Variants in AK5 observed in about 807,000 individuals in gnomAD.
The protein encoded by AK5 is adenylate kinase 5.
In AK5, 27 loss-of-function variants were observed where a neutral mutation model predicts 69.5. That is an observed-to-expected ratio of 0.39 (90% CI 0.29 to 0.54). The LOEUF (loss-of-function observed/expected upper bound fraction) is 0.54. Among genes scored for constraint, AK5 ranks in the 20% least tolerant of loss-of-function variants. The pLI is 0.71. For missense variants in AK5, 531 were observed against 700.4 expected (o/e 0.76, Z 2.73); for synonymous variants, 260 against 244.4 (o/e 1.06, Z -0.60).
chr1:77,403,569 C>A (rs1250111915), intron 6 of AK5, among the ~76,000 whole-genome samples: 4 of 152,204 alleles, frequency 2.6e-5, no homozygotes, highest in Admixed American at 6.5e-5. Flanking sequence ...TTCCCCATTG[C>A]TTGTTTTTCT....
At chr1:77,310,108 T>C (rs2799553) in intron 5 of AK5, among the ~76,000 whole-genome samples, 134,500 of 152,112 alleles carry the variant, frequency 0.88, 59,893 homozygotes, top group Middle Eastern at 0.97. Flanking sequence ...AATTCTTTTG[T>C]ATAGTGTGAG....
intron 13 of AK5, among the ~76,000 whole-genome samples, chr1:77,549,597 C>A (rs1411152918): frequency 2.0e-5 from 3 of 152,074 alleles, no homozygotes; most frequent in African/African-American, 7.2e-5. Context: ...CCACTTCCCC[C>A]TCTCCCTTCC....
chr1:77,355,900 C>G (rs1453723566), intron 6 of AK5, among the ~76,000 whole-genome samples: 1 of 144,040 alleles, frequency 6.9e-6, no homozygotes, highest in Admixed American at 6.9e-5. Context: ...CACACACACA[C>G]ACACATATAT....
chr1:77,483,552 G>A (rs78488741), intron 9 of AK5, among the ~76,000 whole-genome samples, 193 bp downstream of exon 9: 1,553 of 152,236 alleles, frequency 0.01, 34 homozygotes, highest in East Asian at 0.079. Flanking sequence ...GGGGTGCATT[G>A]CTAAGTGATG....
intron 6 of AK5, among the ~76,000 whole-genome samples, chr1:77,353,883 G>A (rs1345728229): frequency 6.6e-6 from 1 of 152,200 alleles, no homozygotes; most frequent in African/African-American, 2.4e-5. Flanking sequence ...AGGGAGGAAA[G>A]GAGATCAGTG....
chr1:77,498,005 C>T (rs950222831), intron 10 of AK5, among the ~76,000 whole-genome samples: 1 of 152,102 alleles, frequency 6.6e-6, no homozygotes, highest in Admixed American at 6.5e-5. Context: ...AGATGTGAAG[C>T]CATGTGTGTG....
chr1:77,368,282 G>A lies in AK5; in HGVS notation c.891+27714G>A, dbSNP rs1031446287. 1.7e-3 allele frequency among the ~76,000 whole-genome samples: 97 copies of A among 55,632 alleles called. 1 individual carries two copies. Among genetic ancestry groups the A allele is most frequent in the African/African-American group, 4.1e-3 (77 of 18,820 alleles). The allele number at this position is 55,632 out of a possible 152,430, so 36.5% of individuals were successfully genotyped here. ...TATATGTTATATATATGTTATATAT[G>A]TTATATATATGTTATATATAATATA... On this transcript the variant is annotated intron_variant, in intron 6 of 13. Transcript: ENST00000354567.
At chr1:77,315,350 C>T (rs1330099212) in intron 5 of AK5, among the ~76,000 whole-genome samples, 2 of 151,572 alleles carry the variant, frequency 1.3e-5, no homozygotes, top group Admixed American at 6.6e-5. Flanking sequence ...TTATTTGAGC[C>T]CTTAGTATAC....
At chr1:77,367,673 A>ACGTTATATGTT (rs1491319905) in intron 6 of AK5, among the ~76,000 whole-genome samples, 2 of 34,550 alleles carry the variant, frequency 5.8e-5, no homozygotes, top group Admixed American at 4.1e-4. Context: ...TGTTATATAT[A>ACGTTATATGTT]ATATATATGT....
intron 2 of AK5, among the ~76,000 whole-genome samples, chr1:77,293,234 C>T (rs1658790001): frequency 6.6e-6 from 1 of 152,024 alleles, no homozygotes; most frequent in Non-Finnish European, 1.5e-5. Context: ...TCCATTGGAC[C>T]ACAGTAGCAT....
intron 6 of AK5, among the ~76,000 whole-genome samples, chr1:77,367,615 A>ATATGTTATATATATGTTATATATATGT (rs1553139807): frequency 0.085 from 7,725 of 90,976 alleles, 966 homozygotes; most frequent in African/African-American, 0.14. Flanking sequence ...TATGTAATAT[A>ATATGTTATATATATGTTATATATATGT]TATGTTATAT....
At chr1:77,535,451 A>G (rs1349274207) in intron 12 of AK5, among the ~76,000 whole-genome samples, 1 of 152,170 alleles carries the variant, frequency 6.6e-6, no homozygotes, top group Non-Finnish European at 1.5e-5. Flanking sequence ...TGTGGCTGTT[A>G]TATCACGGTG....
At chr1:77,286,474 C>T (rs976370045) in intron 1 of AK5, among the ~76,000 whole-genome samples, 4 of 151,588 alleles carry the variant, frequency 2.6e-5, no homozygotes, top group African/African-American at 9.7e-5. Flanking sequence ...GTAATTTCAA[C>T]TCTAATTGTT....
chr1:77,464,031 T>C (rs1323798876), intron 8 of AK5, among the ~76,000 whole-genome samples: 1 of 152,240 alleles, frequency 6.6e-6, no homozygotes, highest in African/African-American at 2.4e-5. Flanking sequence ...CTATGAAAGA[T>C]GAAAAGTTGA....
intron 5 of AK5, among the ~76,000 whole-genome samples, chr1:77,301,838 T>A (rs1721163): frequency 0.88 from 134,761 of 152,286 alleles, 59,984 homozygotes; most frequent in Middle Eastern, 0.97. Flanking sequence ...TGAATCCTGT[T>A]AGGCAGGGAT....
At chr1:77,363,100 T>C (rs1646893087) in intron 6 of AK5, among the ~76,000 whole-genome samples, 1 of 152,144 alleles carries the variant, frequency 6.6e-6, no homozygotes, top group East Asian at 1.9e-4. Context: ...CATTGACACC[T>C]CCACTTGGAT....
At chr1:77,549,329 T>G (rs535997383) in intron 13 of AK5, among the ~76,000 whole-genome samples, 1 of 152,150 alleles carries the variant, frequency 6.6e-6, no homozygotes, top group Non-Finnish European at 1.5e-5. Flanking sequence ...TGGGTACATA[T>G]TGGGTGTATA....
chr1:77,302,381 C>G (rs1659391869), intron 5 of AK5, among the ~76,000 whole-genome samples: 1 of 152,100 alleles, frequency 6.6e-6, no homozygotes, highest in Admixed American at 6.6e-5. Context: ...TATTAAGCTG[C>G]TTTCTTTTTT....
At chr1:77,368,241 A>ATATTATATATGT (rs1553140308) in intron 6 of AK5, among the ~76,000 whole-genome samples, 1 of 23,280 alleles carries the variant, frequency 4.3e-5, no homozygotes, top group Non-Finnish European at 1.1e-4. Flanking sequence ...ATATATATAT[A>ATATTATATATGT]TATATATATA....
Sources: allele counts gnomAD v4.1 joint callset (sites outside exome capture counted in the v4.1 genomes callset), GRCh38; gene constraint gnomAD v4.1.1; transcripts MANE v1.5; gene names NCBI Gene and HGNC (gene_info 2026-07-23, HGNC 2026-07-21).